TPTE: variants seen among roughly 807,000 people sequenced by gnomAD.
TPTE encodes the protein putative tyrosine-protein phosphatase TPTE.
A neutral mutation model predicts 84.1 loss-of-function variants in TPTE; 59 were observed. The ratio of observed to expected loss-of-function variants is 0.70; its 90% CI spans 0.57 to 0.87. TPTE has a LOEUF of 0.87. Among genes scored for constraint, TPTE ranks in the 40% least tolerant of loss-of-function variants. The pLI is 0.00. For synonymous variants in TPTE, 130 were observed against 223.5 expected, an observed-to-expected ratio of 0.58 and a Z score of 3.73; for missense variants, 382 against 659.6, an observed-to-expected ratio of 0.58 and a Z score of 4.61.
intron 3 of TPTE, among the ~76,000 whole-genome samples, chr21:10,532,109 T>G (rs547527162): frequency 6.6e-6 from 1 of 152,420 alleles, no homozygotes; most frequent in South Asian, 2.1e-4. Context: ...TATGTCAATA[T>G]TCTAAAAAAT....
intron 8 of TPTE, among the ~76,000 whole-genome samples, chr21:10,553,647 A>G (rs372166650): frequency 0.012 from 1,893 of 151,660 alleles, no homozygotes; most frequent in South Asian, 0.064. Context: ...GTCTCATTAC[A>G]TAGATATAGG....
At chr21:10,553,063 G>A (rs1159963896) in intron 8 of TPTE, among the ~76,000 whole-genome samples, 1 of 152,306 alleles carries the variant, frequency 6.6e-6, no homozygotes, top group African/African-American at 2.4e-5. Flanking sequence ...TAGATATGGT[G>A]TGATTCCCAA....
At chr21:10,569,217 T>A (rs539649578) in intron 11 of TPTE, among the ~76,000 whole-genome samples, 1 of 152,426 alleles carries the variant, frequency 6.6e-6, no homozygotes, top group African/African-American at 2.4e-5. Context: ...TCCTGGCCTC[T>A]ATTCACTAGA....
chr21:10,545,910 G>A (rs2074458848), intron 7 of TPTE, among the ~76,000 whole-genome samples: 2 of 151,828 alleles, frequency 1.3e-5, no homozygotes, highest in Non-Finnish European at 2.9e-5. Context: ...ATATATATAT[G>A]AGCATCTGTG....
At chr21:10,538,862 C>A (rs991173695) in intron 4 of TPTE, 128 bp downstream of exon 4, 6 of 1,591,330 alleles carry the variant, frequency 3.8e-6, no homozygotes, top group Non-Finnish European at 5.2e-6. Flanking sequence ...ACACTTCTCT[C>A]AAACACATCC....
chr21:10,559,239 G>A (rs2074744667), intron 8 of TPTE, among the ~76,000 whole-genome samples: 1 of 152,308 alleles, frequency 6.6e-6, no homozygotes, highest in Admixed American at 6.5e-5. Context: ...TAAAGTTGGG[G>A]TTGGGGCTTT....
chr21:10,542,104 G>A (rs1314654746), intron 5 of TPTE, among the ~76,000 whole-genome samples: 1 of 152,310 alleles, frequency 6.6e-6, no homozygotes, highest in Non-Finnish European at 1.5e-5. Context: ...AGTTGAGTTT[G>A]AAATAACTAC....
At chr21:10,536,950 A>C (rs976337866) in intron 3 of TPTE, among the ~76,000 whole-genome samples, 1 of 152,308 alleles carries the variant, frequency 6.6e-6, no homozygotes, top group Non-Finnish European at 1.5e-5. Flanking sequence ...AAACAGAGCT[A>C]ATGGCCCTGG....
At chr21:10,572,932 A>G in intron 14 of TPTE, among the ~76,000 whole-genome samples, 1 of 152,308 alleles carries the variant, frequency 6.6e-6, no homozygotes, top group Non-Finnish European at 1.5e-5. Flanking sequence ...AACAAAGGAT[A>G]TACAAAACAA....
chr21:10,564,191 C>A (rs1183451853), intron 10 of TPTE, among the ~76,000 whole-genome samples: 1 of 152,406 alleles, frequency 6.6e-6, no homozygotes, highest in African/African-American at 2.4e-5. Context: ...GCTCTGTTGC[C>A]TACAGGAAAC....
At chr21:10,576,105 C>T (rs375590922) in intron 14 of TPTE, among the ~76,000 whole-genome samples, 100 of 152,268 alleles carry the variant, frequency 6.6e-4, no homozygotes, top group African/African-American at 2.3e-3. Flanking sequence ...AAATCATTGT[C>T]TTATAAAAAT....
intron 3 of TPTE, among the ~76,000 whole-genome samples, chr21:10,536,048 C>T (rs1454143003): frequency 6.6e-5 from 10 of 152,420 alleles, no homozygotes; most frequent in African/African-American, 2.4e-4. Context: ...GAGGCCAAGA[C>T]AGCTAGATCA....
In TPTE at chr21:10,590,481, T is replaced by C. The variant is rs1207549472; in HGVS notation, c.1047T>C (p.Val349=). 1 of 1,614,024 alleles carries C rather than the reference T, an allele frequency of 6.2e-7. No homozygotes were observed. Among genetic ancestry groups the C allele is most frequent in the South Asian group, 1.1e-5 (1 of 91,088 alleles). Residue 349 remains valine, a synonymous_variant, in exon 18 of 24, where the codon GTT becomes GTC. Transcript: ENST00000618007. ...KGGTDRTGTM[V]CAFLIASEIC... ...TTCTAGATAGAACAGGAACTATGGT[T>C]TGTGCCTTCCTTATTGCCTCTGAAA...
chr21:10,536,672 A>G (rs2074272793), intron 3 of TPTE, among the ~76,000 whole-genome samples: 1 of 152,312 alleles, frequency 6.6e-6, no homozygotes, highest in Non-Finnish European at 1.5e-5. Flanking sequence ...GCCATACAGA[A>G]TGTCTTTTAC....
In TPTE at chr21:10,561,056, T is replaced by C. The variant is rs1411632690; in HGVS notation, c.311T>C (p.Leu104Pro). The part of the protein sequence containing the change: ...FGLFGVFLVL[L>P]DVTLILADLI... ...CTATTTGGAGTTTTCCTGGTCTTAC[T>C]GGATGTCACTCTCATCCTTGCCGAC... The change falls in exon 10 of 24, where the codon CTG becomes CCG. Residue 104 changes from leucine (L) to proline (P), a missense_variant. Leu to Pro is a moderately conservative substitution (Grantham distance 98). Coordinates refer to ENST00000618007, the MANE Select transcript of TPTE (RefSeq NM_199261.4). 14 of 1,611,934 alleles carry C rather than the reference T, an allele frequency of 8.7e-6. No homozygotes were observed. Among genetic ancestry groups the C allele is most frequent in the African/African-American group, 1.3e-5 (1 of 74,894 alleles).
At chr21:10,544,461 T>G (rs469683) in intron 7 of TPTE, among the ~76,000 whole-genome samples, 31,808 of 144,964 alleles carry the variant, frequency 0.22, 65 homozygotes, top group African/African-American at 0.47. Context: ...CTCGGCTCAC[T>G]GTAACCTCCA....
intron 21 of TPTE, 67 bp downstream of exon 21, chr21:10,598,161 T>A: frequency 6.3e-7 from 1 of 1,593,260 alleles, no homozygotes; most frequent in Non-Finnish European, 8.6e-7. Context: ...AAACCAGCAA[T>A]GTTCACCTCC....
chr21:10,560,967 A>G, intron 9 of TPTE, 63 bp from the exon 10 acceptor site: 2 of 1,563,262 alleles, frequency 1.3e-6, no homozygotes, highest in East Asian at 4.9e-5. Context: ...TAGTATAGCT[A>G]CAGGGACAAA....
At chr21:10,524,822 T>C (rs527319041) in intron 2 of TPTE, 134 bp downstream of exon 2, 6 of 152,508 alleles carry the variant, frequency 3.9e-5, no homozygotes, top group African/African-American at 1.4e-4. Context: ...AGCTTTGATA[T>C]TTCTACTCCT....
Sources: gnomAD v4.1 joint callset for allele counts (sites outside exome capture counted in the v4.1 genomes callset) on GRCh38, gnomAD v4.1.1 for gene constraint, MANE v1.5 for transcripts, NCBI Gene and HGNC (gene_info 2026-07-23, HGNC 2026-07-21) for gene names.